Variants in USP46 observed in about 807,000 individuals in gnomAD.
USP46 encodes the protein ubiquitin carboxyl-terminal hydrolase 46.
Under a neutral mutation model 44.4 loss-of-function variants are expected in USP46, and 12 were observed. The ratio of observed to expected loss-of-function variants is 0.27; its 90% confidence interval spans 0.17 to 0.44. The LOEUF (loss-of-function observed/expected upper bound fraction) is 0.44, where lower values mean the gene tolerates loss of function less well. Among genes scored for constraint, USP46 ranks in the 20% least tolerant of loss-of-function variants. USP46 has a pLI of 1.00. For synonymous variants in USP46, 155 were observed against 161.5 expected, an observed-to-expected ratio of 0.96 and a Z score of 0.31; for missense variants, 248 against 444.8, an observed-to-expected ratio of 0.56 and a Z score of 3.98.
chr4:52,593,066 T>C lies in USP46; in HGVS notation c.*4574A>G, dbSNP rs1716088595. The C allele has an allele frequency of 2.5e-6, 1 of 397,438 alleles. No individual in the cohort carries two copies. The highest frequency in any genetic ancestry group is 4.4e-5 in the Admixed American group (1 of 22,722). The allele number at this position is 397,438 out of a possible 1,614,324, so 24.6% of individuals were successfully genotyped here. A position where few individuals can be genotyped will look rare whatever the true frequency, so the allele number is the denominator to read the frequency against. ...GTATGTCTTTATAGCACTGCCAGAATGGACAAATACAACGACTTAGTAAGT... is the reference window on the plus strand; with the variant it reads ...GTATGTCTTTATAGCACTGCCAGAACGGACAAATACAACGACTTAGTAAGT... On this transcript the variant is annotated 3_prime_UTR_variant, in exon 9 of 9. Transcript: ENST00000441222.
intron 1 of USP46, among the ~76,000 whole-genome samples, chr4:52,640,738 A>G (rs1175350761): frequency 6.6e-6 from 1 of 151,578 alleles, no homozygotes; most frequent in Non-Finnish European, 1.5e-5. Flanking sequence ...CCTGGGAGAC[A>G]GAGGTTGCAA....
rs1187844735 is a variant in USP46 at position 52,601,851 on chromosome 4, C to A, written c.920+6G>T. On this transcript the variant is annotated splice_donor_region_variant and intron_variant, in intron 7 of 8. Coordinates refer to ENST00000441222, the MANE Select transcript of USP46 (RefSeq NM_022832.4). The stretch of plus-strand genomic sequence containing the variant: ...CCTGTATACCTGCTTCCAGTCTTGC[C>A]CTTACCTGCCACAGTGAACGACCAC... 1.2e-6 allele frequency: 2 copies of A among 1,611,966 alleles called. No homozygotes were observed. The highest frequency in any genetic ancestry group is 1.7e-5 in the Admixed American group (1 of 59,968).
intron 1 of USP46, among the ~76,000 whole-genome samples, chr4:52,641,803 C>A (rs1034590747): frequency 2.0e-5 from 3 of 152,154 alleles, no homozygotes; most frequent in Admixed American, 2.0e-4. Flanking sequence ...GGACATGCAG[C>A]CTTTCTTTCA....
chr4:52,633,487 G>A (rs1021314265), intron 1 of USP46, among the ~76,000 whole-genome samples: 1 of 151,998 alleles, frequency 6.6e-6, no homozygotes, highest in African/African-American at 2.4e-5. Flanking sequence ...TTTTGGTATA[G>A]ACAAAAATCA....
intron 4 of USP46, among the ~76,000 whole-genome samples, chr4:52,619,302 A>G (rs1052167257): frequency 2.1e-5 from 3 of 145,290 alleles, no homozygotes; most frequent in Non-Finnish European, 1.5e-5. Context: ...AGACCCAGGA[A>G]AAAAAAAAAA....
At chr4:52,603,188 C>A (rs1716545228) in intron 6 of USP46, among the ~76,000 whole-genome samples, 1 of 152,126 alleles carries the variant, frequency 6.6e-6, no homozygotes. Context: ...AATATATAAA[C>A]CCCCCAGGGC....
chr4:52,604,154 C>A (rs1012239340), intron 6 of USP46, among the ~76,000 whole-genome samples: 18 of 152,144 alleles, frequency 1.2e-4, no homozygotes, highest in Admixed American at 3.3e-4. Context: ...CTGCTAAGTA[C>A]TTTATATAAT....
chr4:52,615,938 AACAGAACAATCCCACAAAAATAT>A (rs1717113927), intron 4 of USP46, among the ~76,000 whole-genome samples: 1 of 152,244 alleles, frequency 6.6e-6, no homozygotes, highest in Non-Finnish European at 1.5e-5. Flanking sequence ...TAAAAGGAGA[AACAGAACAATCCCACAAAAATAT>A]TTTAATGCTC....
rs552508240 is a variant in USP46, at chr4:52,596,642, T to C, written c.*998A>G. 3.3e-5 allele frequency: 5 copies of C among 152,336 alleles called. No individual in the cohort carries two copies. The highest frequency in any genetic ancestry group is 9.6e-5 in the African/African-American group (4 of 41,550). 9.4% of individuals were successfully genotyped at this position (152,336 alleles called of 1,614,324 possible). A position where few individuals can be genotyped will look rare whatever the true frequency, so the allele number is the denominator to read the frequency against. On this transcript the variant is annotated 3_prime_UTR_variant, in exon 9 of 9. Coordinates refer to ENST00000441222, the MANE Select transcript of USP46 (RefSeq NM_022832.4). The stretch of plus-strand genomic sequence containing the variant: ...CCAGTGCCTCAGTAAACAGACGGAC[T>C]ATGTTAAAAAGTTAAGTTGTACAAC...
At chr4:52,599,448 G>A (rs1716372884) in intron 7 of USP46, among the ~76,000 whole-genome samples, 1 of 152,148 alleles carries the variant, frequency 6.6e-6, no homozygotes. Flanking sequence ...AGGGGGCTGA[G>A]GGGCAGGCGC....
intron 3 of USP46, among the ~76,000 whole-genome samples, chr4:52,626,552 T>C (rs576913185): frequency 6.6e-6 from 1 of 152,254 alleles, no homozygotes; most frequent in Non-Finnish European, 1.5e-5. Context: ...CTCAATCTCT[T>C]GACCTTGTGA....
chr4:52,656,823 T>C (rs1180184231), intron 1 of USP46, among the ~76,000 whole-genome samples: 3 of 151,760 alleles, frequency 2.0e-5, no homozygotes, highest in African/African-American at 4.8e-5. Flanking sequence ...GAGGACCACT[T>C]GAGCCCAGGT....
intron 1 of USP46, among the ~76,000 whole-genome samples, chr4:52,632,155 G>A (rs534029198): frequency 4.6e-5 from 7 of 152,138 alleles, no homozygotes; most frequent in Non-Finnish European, 5.9e-5. Context: ...ATCCACCCAA[G>A]GTCCATTGTA....
At chr4:52,613,313 C>A (rs907493007) in intron 4 of USP46, among the ~76,000 whole-genome samples, 1 of 152,158 alleles carries the variant, frequency 6.6e-6, no homozygotes, top group Non-Finnish European at 1.5e-5. Flanking sequence ...TGGCTATTAA[C>A]AAAATGGCTG....
At chr4:52,653,204 C>G (rs901554060) in intron 1 of USP46, among the ~76,000 whole-genome samples, 1 of 151,994 alleles carries the variant, frequency 6.6e-6, no homozygotes, top group African/African-American at 2.4e-5. Context: ...ACACAGAGTT[C>G]GTCTCAAGAA....
rs2109628717 is a variant in USP46 at position 52,626,057 on chromosome 4, T to C, written c.522A>G (p.Gly174=). Residue 174 remains glycine, a synonymous_variant, in exon 4 of 9, where the codon GGA becomes GGG. Coordinates refer to ENST00000441222, the MANE Select transcript of USP46 (RefSeq NM_022832.4). ...AGCATCGAGTTTCATTGGTAAGCGT[T>C]CCCTGAAAAATCTCATGGACCCAGG... ...ELTWVHEIFQ[G]TLTNETRCLN... The C allele has an allele frequency of 6.2e-7, 1 of 1,613,972 alleles. No individual in the cohort carries two copies. The highest frequency in any genetic ancestry group is 2.2e-5 in the East Asian group (1 of 44,882).
chr4:52,610,115 G>A (rs1017805278), intron 5 of USP46, among the ~76,000 whole-genome samples: 8 of 149,838 alleles, frequency 5.3e-5, no homozygotes, highest in Admixed American at 3.3e-4. Context: ...TAGTAGAGAC[G>A]GGGTTTCACC....
chr4:52,657,371 G>T (rs1718992686), intron 1 of USP46, among the ~76,000 whole-genome samples: 1 of 152,062 alleles, frequency 6.6e-6, no homozygotes, highest in African/African-American at 2.4e-5. Context: ...GAGGGTGGGT[G>T]GGGGGACGCG....
intron 5 of USP46, among the ~76,000 whole-genome samples, chr4:52,605,206 C>A (rs1716640751): frequency 6.6e-6 from 1 of 152,206 alleles, no homozygotes; most frequent in South Asian, 2.1e-4. Context: ...CCCTGCTCCC[C>A]ACTGCTCCCC....
Sources: gnomAD v4.1 joint callset for allele counts (sites outside exome capture counted in the v4.1 genomes callset) on GRCh38, gnomAD v4.1.1 for gene constraint, MANE v1.5 for transcripts, NCBI Gene and HGNC (gene_info 2026-07-23, HGNC 2026-07-21) for gene names.